MIPEP: variants seen among roughly 807,000 people sequenced by gnomAD.
The protein encoded by MIPEP is mitochondrial intermediate peptidase.
In MIPEP, 79 loss-of-function variants were observed where a neutral mutation model predicts 90.3. That is an observed-to-expected ratio of 0.87 (90% CI 0.73 to 1.05). The LOEUF (loss-of-function observed/expected upper bound fraction) is 1.05, where lower values mean the gene tolerates loss of function less well. MIPEP is among the 50% of genes least tolerant of loss of function. MIPEP has a pLI of 0.00. For synonymous variants in MIPEP, 334 were observed against 315.8 expected, an observed-to-expected ratio of 1.06 and a Z score of -0.61; for missense variants, 940 against 905.6, an observed-to-expected ratio of 1.04 and a Z score of -0.49.
At chr13:23,738,654 T>C (rs6490823) in intron 18 of MIPEP, among the ~76,000 whole-genome samples, 150,484 of 151,578 alleles carry the variant, frequency 0.99, 74,720 homozygotes, top group Middle Eastern at 1. Context: ...CGCCATGTTG[T>C]TCAGGCTGGT....
intron 16 of MIPEP, among the ~76,000 whole-genome samples, chr13:23,804,197 A>G (rs965881002): frequency 2.6e-5 from 4 of 152,214 alleles, no homozygotes; most frequent in Non-Finnish European, 5.9e-5. Flanking sequence ...AAAAAGAGAC[A>G]TAATTACTTT....
intron 1 of MIPEP, chr13:23,888,692 A>G: frequency 4.0e-6 from 4 of 995,486 alleles, no homozygotes; most frequent in Non-Finnish European, 4.8e-6. Context: ...ACTCGACTGC[A>G]GGCAGCCGTG....
Position 23,881,726 on chromosome 13 carries a change from C to G in MIPEP, c.425G>C (p.Cys142Ser). 6.2e-7 allele frequency: 1 copy of G among 1,614,050 alleles called. No homozygotes were observed. The highest frequency in any genetic ancestry group is 2.2e-5 in the East Asian group (1 of 44,884). The change falls in exon 3 of 19, where the codon TGT becomes TCT. Residue 142 changes from cysteine to serine, a missense_variant. Coordinates refer to ENST00000382172, the MANE Select transcript of MIPEP (RefSeq NM_005932.4). ...PAFREAAEEA[C>S]RSIGTMVEKL... The stretch of plus-strand genomic sequence containing the variant: ...CTCTACCATGGTGCCAATACTTCTA[C>G]AAGCTTCTTCCGCAGCTTCTCTGAA...
At chr13:23,802,549 T>C (rs894856225) in intron 16 of MIPEP, among the ~76,000 whole-genome samples, 3 of 152,242 alleles carry the variant, frequency 2.0e-5, no homozygotes, top group Non-Finnish European at 2.9e-5. Context: ...GCCTGAGCAA[T>C]AGAGTGAGAC....
chr13:23,872,111 T>C (rs1054884927), intron 5 of MIPEP, among the ~76,000 whole-genome samples: 2 of 152,238 alleles, frequency 1.3e-5, no homozygotes, highest in African/African-American at 2.4e-5. Context: ...TATTAAATAA[T>C]GTTAAAAATA....
chr13:23,770,145 A>AC (rs1225762746), intron 16 of MIPEP, among the ~76,000 whole-genome samples: 6 of 152,058 alleles, frequency 3.9e-5, no homozygotes, highest in Non-Finnish European at 8.8e-5. Context: ...GGGCCTACTG[A>AC]CTTCTTTCAT....
rs148130138 is a variant in MIPEP, at chr13:23,730,280, C to T, written c.*68G>A. 100 of 1,006,162 alleles carry T rather than the reference C, an allele frequency of 9.9e-5. No homozygotes were observed. The highest frequency in any genetic ancestry group is 4.1e-4 in the Middle Eastern group (2 of 4,896). 62.3% of individuals were successfully genotyped at this position (1,006,162 alleles called of 1,614,324 possible). ...CAATGAAATCAGAAACAAGCTCTCACAGCTGTAGCATTTATAACAAAGTCA... is the reference window on the plus strand; with the variant it reads ...CAATGAAATCAGAAACAAGCTCTCATAGCTGTAGCATTTATAACAAAGTCA... On this transcript the variant is annotated 3_prime_UTR_variant, in exon 19 of 19. Transcript: ENST00000382172.
chr13:23,750,414 G>A lies in MIPEP; in HGVS notation c.2044+6131C>T, dbSNP rs116771535. The stretch of plus-strand genomic sequence containing the variant: ...CTCAGACTTCGTTTTCAATGACCTT[G>A]ACAGTTTTGAGGAGTACTGCTTAGG... On this transcript the variant is annotated intron_variant, in intron 18 of 18. Coordinates refer to ENST00000382172, the MANE Select transcript of MIPEP (RefSeq NM_005932.4). Among the ~76,000 whole-genome samples the A allele has an allele frequency of 2.9e-3, 447 of 152,326 alleles. 6 individuals carry two copies. The highest frequency in any genetic ancestry group is 0.01 in the African/African-American group (420 of 41,558).
intron 10 of MIPEP, among the ~76,000 whole-genome samples, chr13:23,848,529 T>C (rs1162866609): frequency 6.6e-6 from 1 of 152,154 alleles, no homozygotes; most frequent in Non-Finnish European, 1.5e-5. Flanking sequence ...AGAGGAGCAC[T>C]GCAAACAAGG....
chr13:23,883,002 A>G (rs899778257), intron 2 of MIPEP, among the ~76,000 whole-genome samples: 1 of 152,166 alleles, frequency 6.6e-6, no homozygotes, highest in Non-Finnish European at 1.5e-5. Flanking sequence ...TAAAAAAGAA[A>G]ACAAAATAAA....
At chr13:23,848,654 A>T (rs1025912147) in intron 10 of MIPEP, among the ~76,000 whole-genome samples, 1 of 152,212 alleles carries the variant, frequency 6.6e-6, no homozygotes, top group Non-Finnish European at 1.5e-5. Context: ...ACACCTGGAA[A>T]GATGAGGCTC....
At chr13:23,737,224 C>T (rs999991061) in intron 18 of MIPEP, among the ~76,000 whole-genome samples, 6 of 152,212 alleles carry the variant, frequency 3.9e-5, no homozygotes, top group African/African-American at 1.2e-4. Flanking sequence ...CTCACAGGGC[C>T]GTAGTCTGGT....
At chr13:23,811,515 G>A (rs1953170978) in intron 14 of MIPEP, among the ~76,000 whole-genome samples, 1 of 152,118 alleles carries the variant, frequency 6.6e-6, no homozygotes, top group Non-Finnish European at 1.5e-5. Flanking sequence ...TTGAATTATG[G>A]TAGGGGCCTG....
chr13:23,781,716 T>C (rs1422839280), intron 16 of MIPEP, among the ~76,000 whole-genome samples: 3 of 152,078 alleles, frequency 2.0e-5, no homozygotes, highest in Admixed American at 6.5e-5. Context: ...ATCCATCTCA[T>C]GTGCAGAGAC....
intron 18 of MIPEP, chr13:23,756,320 A>AT: frequency 2.2e-6 from 1 of 445,082 alleles, no homozygotes; most frequent in Non-Finnish European, 4.1e-6. Flanking sequence ...ACGCCCAGCT[A>AT]TTTTTTGTAT....
In MIPEP at chr13:23,886,429, T is replaced by G; in HGVS notation, c.267A>C (p.Glu89Asp). The part of the protein sequence containing the change: ...IAQEKALRKT[E>D]LLVDRACSTP... ...TGGAACATGCACGGTCCACAAGCAA[T>G]TCTGTCTTTCTCAAGGCTTTTTCTT... Residue 89 changes from glutamate (E) to aspartate (D), a missense_variant, in exon 2 of 19, where the codon GAA becomes GAC. Glu to Asp is a conservative substitution (Grantham distance 45). Coordinates refer to ENST00000382172, the MANE Select transcript of MIPEP (RefSeq NM_005932.4). The G allele has an allele frequency of 1.2e-6, 2 of 1,608,240 alleles. No individual in the cohort carries two copies. The highest frequency in any genetic ancestry group is 1.7e-6 in the Non-Finnish European group (2 of 1,176,934).
chr13:23,801,681 T>C (rs999131014), intron 16 of MIPEP, among the ~76,000 whole-genome samples: 4 of 152,254 alleles, frequency 2.6e-5, no homozygotes, highest in Non-Finnish European at 5.9e-5. Flanking sequence ...CTGAACTTTA[T>C]ATAAATGTAC....
At chr13:23,789,002 C>T (rs1378984296) in intron 16 of MIPEP, among the ~76,000 whole-genome samples, 1 of 152,156 alleles carries the variant, frequency 6.6e-6, no homozygotes, top group Non-Finnish European at 1.5e-5. Flanking sequence ...GAGACATGGT[C>T]TCGTCATGTT....
At chr13:23,802,503 G>A (rs757320430) in intron 16 of MIPEP, among the ~76,000 whole-genome samples, 1 of 152,144 alleles carries the variant, frequency 6.6e-6, no homozygotes, top group African/African-American at 2.4e-5. Context: ...AGGAGGCAAA[G>A]GTTGCAGTGA....
Sources: allele counts gnomAD v4.1 joint callset (sites outside exome capture counted in the v4.1 genomes callset), GRCh38; gene constraint gnomAD v4.1.1; transcripts MANE v1.5; gene names NCBI Gene and HGNC (gene_info 2026-07-23, HGNC 2026-07-21).